GRAMD1B: variants seen among roughly 807,000 people sequenced by gnomAD.
GRAMD1B encodes the protein protein Aster-B.
GRAMD1B carries 37 observed loss-of-function variants against 99.7 expected under a neutral mutation model. The ratio of observed to expected loss-of-function variants is 0.37; its 90% CI spans 0.29 to 0.49. The LOEUF (loss-of-function observed/expected upper bound fraction) is 0.49. Among genes scored for constraint, GRAMD1B ranks in the 20% least tolerant of loss-of-function variants. GRAMD1B has a pLI of 0.98. For missense variants in GRAMD1B, 888 were observed against 1,009.2 expected (o/e 0.88, Z 1.63); for synonymous variants, 427 against 387.6 (o/e 1.10, Z -1.19).
In GRAMD1B at chr11:123,599,531, A is replaced by G. The variant is rs550000848; in HGVS notation, c.970-937A>G. On this transcript the variant is annotated intron_variant, in intron 7 of 19. Coordinates refer to ENST00000635736, the MANE Select transcript of GRAMD1B (RefSeq NM_001387025.1). ...TCTGTCACCCAGGCTGGAGTGCAGT[A>G]GCACTATCTTGGCTCACTACAACCT... is the stretch of plus-strand genomic sequence containing the variant. The G allele has an allele frequency of 2.7e-4, 141 of 518,406 alleles. 1 individual carries two copies. The highest frequency in any genetic ancestry group is 2.2e-3 in the South Asian group (136 of 61,508). The allele number at this position is 518,406 out of a possible 1,614,324, so 32.1% of individuals were successfully genotyped here. A position where few individuals can be genotyped will look rare whatever the true frequency, so the allele number is the denominator to read the frequency against.
intron 2 of GRAMD1B, among the ~76,000 whole-genome samples, chr11:123,531,940 T>A (rs981588451): frequency 2.0e-5 from 3 of 151,990 alleles, no homozygotes; most frequent in African/African-American, 7.2e-5. Flanking sequence ...TTTCTCTATG[T>A]TGGTCAGTCT....
rs115607205 is a variant in GRAMD1B, at chr11:123,393,837, A to G, written c.-176+35038A>G. ...AGGTGGGGTTTGCTGGGGCTGTCTCATGGTCTGTCTACCACATTTGGCCAG... is the reference window on the plus strand; with the variant it reads ...AGGTGGGGTTTGCTGGGGCTGTCTCGTGGTCTGTCTACCACATTTGGCCAG... On this transcript the variant is annotated intron_variant, in intron 1 of 20. Coordinates refer to the GRAMD1B transcript ENST00000638157. Among the ~76,000 whole-genome samples the G allele has an allele frequency of 6.9e-3, 1,049 of 152,228 alleles. 16 individuals are homozygous for G. The highest frequency in any genetic ancestry group is 0.024 in the African/African-American group (1,009 of 41,534).
rs1395142618 is a variant in GRAMD1B at position 123,431,182 on chromosome 11, G to C, written c.374+16G>C. 5 of 689,832 alleles carry C rather than the reference G, an allele frequency of 7.2e-6. No homozygotes were observed. The South Asian group carries it at 7.6e-5, about 11-fold the overall frequency. The allele number at this position is 689,832 out of a possible 1,614,324, so 42.7% of individuals were successfully genotyped here. Reference sequence around the variant, plus strand: ...GTGAAAGCAGGTACGTCCCCGTTCCGCCCGTCTCCTTCCCTTCCCTCCCGT... The same window carrying C: ...GTGAAAGCAGGTACGTCCCCGTTCCCCCCGTCTCCTTCCCTTCCCTCCCGT... On this transcript the variant is annotated intron_variant, in intron 1 of 19. Transcript: ENST00000635736.
chr11:123,566,528 A>G lies in GRAMD1B; in HGVS notation c.453-10839A>G, dbSNP rs894669607. ...ACGCCTGTAATCCCAGCACTTTGGG[A>G]GGCCGAGGCGGGCAGATCACGAGGT... On this transcript the variant is annotated intron_variant, in intron 2 of 19. Coordinates refer to ENST00000635736, the MANE Select transcript of GRAMD1B (RefSeq NM_001387025.1). 2.0e-5 allele frequency among the ~76,000 whole-genome samples: 3 copies of G among 152,296 alleles called. No homozygotes were observed. In the South Asian group the frequency reaches 6.2e-4, roughly 32 times the overall value.
chr11:123,374,781 G>T (rs1175740176), intron 1 of GRAMD1B, among the ~76,000 whole-genome samples: 5 of 152,210 alleles, frequency 3.3e-5, no homozygotes, highest in Non-Finnish European at 5.9e-5. Context: ...TCCTAGGAAT[G>T]AGCTATATTA....
intron 2 of GRAMD1B, among the ~76,000 whole-genome samples, chr11:123,548,576 G>C (rs1179113617): frequency 5.9e-5 from 9 of 151,862 alleles, no homozygotes; most frequent in Non-Finnish European, 1.3e-4. Context: ...AATTAAAGAG[G>C]AGCTGGATTC....
intron 1 of GRAMD1B, among the ~76,000 whole-genome samples, chr11:123,477,215 C>CG (rs1951325464): frequency 1.2e-4 from 2 of 16,264 alleles, no homozygotes; most frequent in Non-Finnish European, 2.0e-4. Context: ...CCCCTCCCCC[C>CG]TCCCCCTCCT....
intron 1 of GRAMD1B, among the ~76,000 whole-genome samples, chr11:123,401,580 C>T (rs1011140888): frequency 2.0e-5 from 3 of 152,158 alleles, no homozygotes; most frequent in African/African-American, 4.8e-5. Flanking sequence ...ACTGGAAGAA[C>T]CAAGGACAGG....
intron 1 of GRAMD1B, among the ~76,000 whole-genome samples, chr11:123,456,222 C>T (rs1289684331): frequency 1.3e-5 from 2 of 152,018 alleles, no homozygotes; most frequent in Admixed American, 1.3e-4. Context: ...ATGGCATATC[C>T]ATTTTATAGA....
rs59853538 is a variant in GRAMD1B at position 123,522,121 on chromosome 11, A to G, written c.452+41228A>G. ...CAGGCAGAAGCAGGAGAATCTGTGT[A>G]TTCATTCCTAGAGGTTGTGTTAGTG... On this transcript the variant is annotated intron_variant, in intron 2 of 19. Coordinates refer to ENST00000635736, the MANE Select transcript of GRAMD1B (RefSeq NM_001387025.1). 6.3e-3 allele frequency among the ~76,000 whole-genome samples: 962 copies of G among 152,206 alleles called. 11 individuals are homozygous for G. The highest frequency in any genetic ancestry group is 0.022 in the African/African-American group (912 of 41,528).
At chr11:123,588,413 T>A (rs900610988) in intron 4 of GRAMD1B, among the ~76,000 whole-genome samples, 1 of 152,176 alleles carries the variant, frequency 6.6e-6, no homozygotes, top group African/African-American at 2.4e-5. Flanking sequence ...CTCCCAGGGC[T>A]TTATCTCACA....
Position 123,479,143 on chromosome 11 carries a change from C to T in GRAMD1B, c.375-1673C>T, listed in dbSNP as rs565015870. Among the ~76,000 whole-genome samples the T allele has an allele frequency of 7.2e-5, 11 of 152,274 alleles. No individual in the cohort carries two copies. In the South Asian group the frequency reaches 1.0e-3, roughly 14 times the overall value. On this transcript the variant is annotated intron_variant, in intron 1 of 19. Transcript: ENST00000635736. The stretch of plus-strand genomic sequence containing the variant: ...ATGGAAGGGAAGGAGAAAGGGATTC[C>T]GTACACAGTGAGTTCTGCCGAGCAG...
intron 1 of GRAMD1B, among the ~76,000 whole-genome samples, chr11:123,462,890 TTAAAAAAA>T (rs1305856692): frequency 8.1e-6 from 1 of 123,096 alleles, no homozygotes; most frequent in Non-Finnish European, 1.6e-5. Context: ...AAAAAATAAA[TTAAAAAAA>T]AAAAAAAAAA....
At chr11:123,503,534 T>C (rs982280360) in intron 2 of GRAMD1B, among the ~76,000 whole-genome samples, 3 of 150,040 alleles carry the variant, frequency 2.0e-5, no homozygotes, top group African/African-American at 7.4e-5. Context: ...AGTTACTGCA[T>C]TTTCATTTAA....
At chr11:123,362,755 G>T (rs143121737) in intron 1 of GRAMD1B, among the ~76,000 whole-genome samples, 15 of 152,262 alleles carry the variant, frequency 9.9e-5, no homozygotes, top group African/African-American at 3.6e-4. Context: ...TGGGACTTGG[G>T]GAAGGGGTAG....
At chr11:123,398,992 T>C (rs1565473614) in intron 1 of GRAMD1B, among the ~76,000 whole-genome samples, 1 of 152,148 alleles carries the variant, frequency 6.6e-6, no homozygotes, top group Non-Finnish European at 1.5e-5. Flanking sequence ...TACAAAACAA[T>C]ATTGTTAACT....
intron 2 of GRAMD1B, among the ~76,000 whole-genome samples, chr11:123,548,325 T>TATATACACACACACACACACAC (rs1555067740): frequency 2.3e-5 from 2 of 86,838 alleles, no homozygotes; most frequent in African/African-American, 5.1e-5. Flanking sequence ...TATATATATA[T>TATATACACACACACACACACAC]ACACACACAC....
chr11:123,444,958 A>C (rs1214401847), intron 1 of GRAMD1B, among the ~76,000 whole-genome samples: 1 of 152,138 alleles, frequency 6.6e-6, no homozygotes, highest in Non-Finnish European at 1.5e-5. Flanking sequence ...CTGTATCCTA[A>C]GTCATTTTCT....
At chr11:123,400,707 A>T (rs1388405207) in intron 1 of GRAMD1B, among the ~76,000 whole-genome samples, 1 of 151,958 alleles carries the variant, frequency 6.6e-6, no homozygotes, top group Non-Finnish European at 1.5e-5. Flanking sequence ...CCTCCTCCCA[A>T]AGGACTCACC....
Sources: gnomAD v4.1 joint callset for allele counts (sites outside exome capture counted in the v4.1 genomes callset) on GRCh38, gnomAD v4.1.1 for gene constraint, MANE v1.5 for transcripts, NCBI Gene and HGNC (gene_info 2026-07-23, HGNC 2026-07-21) for gene names.